The following TRIM4 variants were observed in gnomAD, a reference collection of about 807,000 sequenced individuals.
TRIM4 encodes E3 ubiquitin-protein ligase TRIM4.
Under a neutral mutation model 33.7 loss-of-function variants are expected in TRIM4, and 29 were observed. The ratio of observed to expected loss-of-function variants is 0.86; its 90% CI spans 0.64 to 1.17. TRIM4 has a LOEUF of 1.17. TRIM4 is among the 50% of genes most tolerant of loss of function. TRIM4 has a pLI of 0.00. For synonymous variants in TRIM4, 224 were observed against 233.0 expected (o/e 0.96, Z 0.35); for missense variants, 554 against 593.7 (o/e 0.93, Z 0.69).
In TRIM4 at chr7:99,919,009, C is replaced by A; in HGVS notation, c.393G>T (p.Arg131=). 1 of 1,589,474 alleles carries A rather than the reference C, an allele frequency of 6.3e-7. No individual in the cohort carries two copies. Among genetic ancestry groups the A allele is most frequent in the East Asian group, 2.4e-5 (1 of 42,446 alleles). Residue 131 remains arginine (R), a splice_region_variant and synonymous_variant, in exon 1 of 6, where the codon CGG becomes CGT. Coordinates refer to ENST00000349062, the MANE Select transcript of TRIM4 (RefSeq NM_033091.3). ...APIDEAFESY[R]EKLLKSQRNL... ...ATAGTCACCGCGACGGCCAGCTCAC[C>A]CGGTAGCTCTCGAAGGCCTCGTCGA... is the stretch of plus-strand genomic sequence containing the variant.
intron 5 of TRIM4, among the ~76,000 whole-genome samples, chr7:99,894,311 T>C (rs951551876): frequency 6.6e-6 from 1 of 152,162 alleles, no homozygotes; most frequent in Non-Finnish European, 1.5e-5. Context: ...CAATTTTCAA[T>C]AGGAGTTCTT....
chr7:99,909,512 C>G lies in TRIM4; in HGVS notation c.489+53G>C, dbSNP rs1584270063. The G allele has an allele frequency of 2.0e-6, 3 of 1,538,282 alleles. No homozygotes were observed. In the East Asian group the frequency reaches 6.8e-5, roughly 35 times the overall value. On this transcript the variant is annotated intron_variant, in intron 2 of 5. Coordinates refer to ENST00000349062, the MANE Select transcript of TRIM4 (RefSeq NM_033091.3). The stretch of plus-strand genomic sequence containing the variant: ...AAGGACCTCAGAAGCAAGAAATGTC[C>G]CAGACCAAAAGGACCTCAGGAGCAA...
At chr7:99,908,559 AC>A (rs1488307935) in intron 3 of TRIM4, 22 bp downstream of exon 3, 10 of 1,568,070 alleles carry the variant, frequency 6.4e-6, no homozygotes, top group Non-Finnish European at 8.7e-6. Flanking sequence ...AGATGAGATC[AC>A]CCCCACTCGT....
In TRIM4 at chr7:99,903,593, T is replaced by C. The variant is rs141574557; in HGVS notation, c.726A>G (p.Pro242=). The change falls in exon 4 of 6, where the codon CCA becomes CCG. Residue 242 remains proline (P), a synonymous_variant. Coordinates refer to ENST00000349062, the MANE Select transcript of TRIM4 (RefSeq NM_033091.3). ...QAPTLELLQN[P]KEVLTRSEIQ... is the part of the protein sequence containing the mutation. Reference sequence around the variant, plus strand: ...GTGCATACCTGGTCAACACTTCTTTTGGATTCTGTGAAAAGAAGGAAGACA... The same window carrying C: ...GTGCATACCTGGTCAACACTTCTTTCGGATTCTGTGAAAAGAAGGAAGACA... 3.7e-6 allele frequency: 6 copies of C among 1,614,132 alleles called. 1 individual carries two copies. In the Admixed American group the frequency reaches 5.0e-5, roughly 13 times the overall value.
In TRIM4 at chr7:99,916,092, G is replaced by A. The variant is rs181864095; in HGVS notation, c.393+2917C>T. Among the ~76,000 whole-genome samples, 615 of 152,286 alleles carry A rather than the reference G, an allele frequency of 4.0e-3. 6 individuals carry two copies. Among genetic ancestry groups the A allele is most frequent in the Admixed American group, 6.4e-3 (98 of 15,298 alleles). On this transcript the variant is annotated intron_variant, in intron 1 of 5. Coordinates refer to ENST00000349062, the MANE Select transcript of TRIM4 (RefSeq NM_033091.3). ...AAATGCTTAGAACTGTGGGTGGTAC[G>A]TAAGAAGTAATGAACAACTGATAGC...
chr7:99,897,677 C>A (rs962294468), intron 5 of TRIM4, among the ~76,000 whole-genome samples: 7 of 152,214 alleles, frequency 4.6e-5, no homozygotes, highest in African/African-American at 1.7e-4. Context: ...TACTCCCCAA[C>A]CCCCTGTATT....
At chr7:99,913,062 A>C (rs188474055) in intron 1 of TRIM4, among the ~76,000 whole-genome samples, 20 of 152,348 alleles carry the variant, frequency 1.3e-4, no homozygotes, top group Admixed American at 2.6e-4. Flanking sequence ...AAATAGGACC[A>C]AGTTTTTGAA....
rs1818875105 is a variant in TRIM4 at position 99,890,736 on chromosome 7, G to A, written c.*1427C>T. The A allele has an allele frequency of 6.6e-6, 1 of 152,170 alleles. No homozygotes were observed. Among genetic ancestry groups the A allele is most frequent in the Non-Finnish European group, 1.5e-5 (1 of 68,030 alleles). 9.4% of individuals were successfully genotyped at this position (152,170 alleles called of 1,614,324 possible). A position where few individuals can be genotyped will look rare whatever the true frequency, so the allele number is the denominator to read the frequency against. On this transcript the variant is annotated 3_prime_UTR_variant, in exon 6 of 6. Transcript: ENST00000349062. ...GACTACTTGAGGGTAGAGGGTGGAGGAGGGTGGGGTATCAAAAAAGTATCT... is the reference window on the plus strand; with the variant it reads ...GACTACTTGAGGGTAGAGGGTGGAGAAGGGTGGGGTATCAAAAAAGTATCT...
chr7:99,916,626 T>C (rs1819560591), intron 1 of TRIM4: 1 of 746,366 alleles, frequency 1.3e-6, no homozygotes, highest in African/African-American at 1.7e-5. Context: ...CACCAAGTCA[T>C]TCAACTCCAG....
intron 4 of TRIM4, 93 bp downstream of exon 4, chr7:99,903,483 C>A: frequency 6.5e-7 from 1 of 1,537,470 alleles, no homozygotes; most frequent in Non-Finnish European, 9.0e-7. Flanking sequence ...TGTGCCCAGA[C>A]TGACCTATGG....
At chr7:99,892,854 C>T (rs1207531245) in intron 5 of TRIM4, 108 bp from the exon 6 acceptor site, 6 of 973,240 alleles carry the variant, frequency 6.2e-6, no homozygotes, top group Admixed American at 2.6e-5. Context: ...CTAACAAACA[C>T]TCATGACTCC....
intron 3 of TRIM4, among the ~76,000 whole-genome samples, chr7:99,905,090 C>CAT (rs748852814): frequency 1.4e-3 from 213 of 149,720 alleles, no homozygotes; most frequent in South Asian, 2.8e-3. Context: ...GGTGTACATA[C>CAT]ATATATATAT....
intron 1 of TRIM4, among the ~76,000 whole-genome samples, chr7:99,918,803 T>C (rs1218214774): frequency 6.6e-6 from 1 of 152,212 alleles, no homozygotes; most frequent in Non-Finnish European, 1.5e-5. Flanking sequence ...GCACAATGAT[T>C]GCTGAGGTTT....
At chr7:99,904,228 AG>A (rs1241729880) in intron 3 of TRIM4, among the ~76,000 whole-genome samples, 1 of 152,212 alleles carries the variant, frequency 6.6e-6, no homozygotes, top group Non-Finnish European at 1.5e-5. Flanking sequence ...GTAACATATC[AG>A]GTAACCAATG....
Position 99,890,614 on chromosome 7 carries a change from C to T in TRIM4, c.*1549G>A, listed in dbSNP as rs1818871762. On this transcript the variant is annotated 3_prime_UTR_variant, in exon 6 of 6. Coordinates refer to ENST00000349062, the MANE Select transcript of TRIM4 (RefSeq NM_033091.3). ...GGCCATTACCCTAAGCAAACCAACA[C>T]ATGAACAGAAAACCAAACATCACAT... 6.6e-6 allele frequency: 1 copy of T among 152,172 alleles called. No individual in the cohort carries two copies. Among genetic ancestry groups the T allele is most frequent in the African/African-American group, 2.4e-5 (1 of 41,432 alleles). 9.4% of individuals were successfully genotyped at this position (152,172 alleles called of 1,614,324 possible).
At chr7:99,897,311 A>G (rs1819039964) in intron 5 of TRIM4, among the ~76,000 whole-genome samples, 1 of 152,118 alleles carries the variant, frequency 6.6e-6, no homozygotes, top group African/African-American at 2.4e-5. Context: ...GACCACCACA[A>G]TGCAGGATTA....
At chr7:99,907,533 C>G (rs1255401789) in intron 3 of TRIM4, among the ~76,000 whole-genome samples, 1 of 152,128 alleles carries the variant, frequency 6.6e-6, no homozygotes, top group East Asian at 1.9e-4. Flanking sequence ...AGATGTTAAG[C>G]CTGTATTTTA....
chr7:99,902,182 C>T (rs777855742), intron 5 of TRIM4: 8 of 764,290 alleles, frequency 1.0e-5, no homozygotes, highest in African/African-American at 1.0e-4. Flanking sequence ...TTGCTGCAGA[C>T]AAGAAAACAA....
At chr7:99,918,179 T>C (rs79672106) in intron 1 of TRIM4, among the ~76,000 whole-genome samples, 3 of 152,208 alleles carry the variant, frequency 2.0e-5, no homozygotes, top group African/African-American at 4.8e-5. Context: ...CATTTAGCCA[T>C]ACAAGCACCT....
Sources: gnomAD v4.1 joint callset for allele counts (sites outside exome capture counted in the v4.1 genomes callset) on GRCh38, gnomAD v4.1.1 for gene constraint, MANE v1.5 for transcripts, NCBI Gene and HGNC (gene_info 2026-07-23, HGNC 2026-07-21) for gene names.